DGKB: variants seen among roughly 807,000 people sequenced by gnomAD.
DGKB encodes the protein 90 kDa diacylglycerol kinase.
In DGKB, 67 loss-of-function variants were observed where a neutral mutation model predicts 114.3. That is an observed-to-expected ratio of 0.59 (90% CI 0.48 to 0.72). The LOEUF is 0.72. Ranked by LOEUF, DGKB falls within the 30% of genes least tolerant of loss-of-function variation. The pLI is 0.00. For missense variants in DGKB, 907 were observed against 975.2 expected (o/e 0.93, Z 0.93); for synonymous variants, 398 against 323.1 (o/e 1.23, Z -2.49).
chr7:14,344,935 G>T (rs571115297), intron 22 of DGKB, among the ~76,000 whole-genome samples: 13 of 151,532 alleles, frequency 8.6e-5, no homozygotes, highest in African/African-American at 1.5e-4. Context: ...TGTTTTAAAG[G>T]TTACAAGATA....
intron 23 of DGKB, among the ~76,000 whole-genome samples, chr7:14,223,496 T>C (rs757588319): frequency 2.6e-5 from 4 of 151,778 alleles, no homozygotes; most frequent in Non-Finnish European, 5.9e-5. Flanking sequence ...ATTATATAAT[T>C]TTGTATCTTT....
At chr7:14,857,010 C>G (rs1207691869) in intron 1 of DGKB, among the ~76,000 whole-genome samples, 1 of 152,144 alleles carries the variant, frequency 6.6e-6, no homozygotes. Context: ...AACATGGCAA[C>G]ATGAATGGGA....
intron 23 of DGKB, among the ~76,000 whole-genome samples, chr7:14,270,864 G>A (rs998346869): frequency 1.3e-5 from 2 of 152,150 alleles, no homozygotes; most frequent in African/African-American, 2.4e-5. Flanking sequence ...AGGTATTCAA[G>A]CAAACAAGTA....
intron 1 of DGKB, among the ~76,000 whole-genome samples, chr7:14,885,038 G>A (rs1172837419): frequency 2.0e-5 from 3 of 151,822 alleles, no homozygotes; most frequent in South Asian, 4.2e-4. Flanking sequence ...AGACTTCCTG[G>A]GAGCACAGAA....
At chr7:14,547,928 T>C (rs1794550282) in intron 20 of DGKB, among the ~76,000 whole-genome samples, 1 of 152,184 alleles carries the variant, frequency 6.6e-6, no homozygotes, top group African/African-American at 2.4e-5. Context: ...GTATGAAAAA[T>C]GTTTGCCACA....
intron 23 of DGKB, among the ~76,000 whole-genome samples, chr7:14,236,157 A>G (rs1182900131): frequency 1.3e-5 from 2 of 152,064 alleles, no homozygotes; most frequent in Non-Finnish European, 2.9e-5. Flanking sequence ...TTTTCAAATT[A>G]CAGATAGTAT....
intron 2 of DGKB, 74 bp downstream of exon 2, chr7:14,841,120 C>A: frequency 7.6e-7 from 1 of 1,309,310 alleles, no homozygotes; most frequent in Non-Finnish European, 1.1e-6. Context: ...ATCTATGATC[C>A]ATTCTTATAA....
intron 1 of DGKB, among the ~76,000 whole-genome samples, chr7:14,876,989 C>T (rs1211316031): frequency 6.6e-6 from 1 of 152,156 alleles, no homozygotes; most frequent in South Asian, 2.1e-4. Flanking sequence ...CAATATCTTG[C>T]ACATTTTATG....
chr7:14,369,069 C>T (rs753660155), intron 21 of DGKB, among the ~76,000 whole-genome samples: 42 of 152,230 alleles, frequency 2.8e-4, no homozygotes, highest in Non-Finnish European at 5.1e-4. Context: ...TATCCCTCCC[C>T]TAGCACCCCA....
At chr7:14,618,005 T>C (rs1273385031) in intron 15 of DGKB, among the ~76,000 whole-genome samples, 1 of 151,584 alleles carries the variant, frequency 6.6e-6, no homozygotes, top group African/African-American at 2.4e-5. Flanking sequence ...GTTGCTATAA[T>C]GCTCAAAACT....
chr7:14,967,025 T>G (rs115472104), intron 1 of DGKB, among the ~76,000 whole-genome samples: 2,456 of 152,284 alleles, frequency 0.016, 53 homozygotes, highest in African/African-American at 0.053. Context: ...TGCAAACCTT[T>G]GCAATAAGCC....
At chr7:14,388,024 C>T (rs568396623) in intron 21 of DGKB, among the ~76,000 whole-genome samples, 16 of 151,688 alleles carry the variant, frequency 1.1e-4, no homozygotes, top group African/African-American at 2.2e-4. Context: ...GGATTACAGG[C>T]GCCTGCCACT....
intron 24 of DGKB, 28 bp downstream of exon 24, chr7:14,178,003 C>A (rs751284602): frequency 6.6e-7 from 1 of 1,522,712 alleles, no homozygotes; most frequent in East Asian, 2.4e-5. Flanking sequence ...ATATCAAACG[C>A]CTTTGTCAGT....
rs7783245 is a variant in DGKB at position 14,865,175 on chromosome 7, G to A, written c.-187-23725C>T. Among the ~76,000 whole-genome samples the A allele has an allele frequency of 8.7e-3, 1,324 of 152,026 alleles. 24 individuals are homozygous for A. The highest frequency in any genetic ancestry group is 0.03 in the African/African-American group (1,248 of 41,458). On this transcript the variant is annotated intron_variant, in intron 1 of 25. Coordinates refer to ENST00000402815, the MANE Select transcript of DGKB (RefSeq NM_001350709.2). ...TGGAGGAGCAACAGACTTGTGTTAG[G>A]GTTAAGAAAAAATGAGTTGAATAAA...
At chr7:14,845,079 C>T (rs1314697944) in intron 1 of DGKB, among the ~76,000 whole-genome samples, 1 of 129,942 alleles carries the variant, frequency 7.7e-6, no homozygotes, top group African/African-American at 2.9e-5. Flanking sequence ...TGTACTCCAT[C>T]CTCAGTGACA....
chr7:14,794,920 G>A (rs1841188567), intron 2 of DGKB, among the ~76,000 whole-genome samples: 1 of 152,020 alleles, frequency 6.6e-6, no homozygotes, highest in South Asian at 2.1e-4. Flanking sequence ...AGTGGTACTG[G>A]CATCTCTGCC....
At chr7:14,896,904 A>G (rs1782192422) in intron 1 of DGKB, among the ~76,000 whole-genome samples, 1 of 151,814 alleles carries the variant, frequency 6.6e-6, no homozygotes, top group African/African-American at 2.4e-5. Flanking sequence ...CTTATTCACA[A>G]TTCCATCTCA....
At chr7:14,444,346 GT>G (rs538755501) in intron 21 of DGKB, among the ~76,000 whole-genome samples, 4 of 151,710 alleles carry the variant, frequency 2.6e-5, no homozygotes, top group East Asian at 1.9e-4. Context: ...GTATATATGA[GT>G]TTTTTTCTTA....
At chr7:14,720,595 G>A (rs1177258690) in intron 5 of DGKB, among the ~76,000 whole-genome samples, 1 of 151,392 alleles carries the variant, frequency 6.6e-6, no homozygotes, top group African/African-American at 2.4e-5. Flanking sequence ...CATCCACGTC[G>A]GCCTCCCAAA....
Sources: gnomAD v4.1 joint callset for allele counts (sites outside exome capture counted in the v4.1 genomes callset) on GRCh38, gnomAD v4.1.1 for gene constraint, MANE v1.5 for transcripts, NCBI Gene and HGNC (gene_info 2026-07-23, HGNC 2026-07-21) for gene names.